VXN: variants seen among roughly 807,000 people sequenced by gnomAD.
VXN encodes the protein uncharacterized protein C8orf46.
Under a neutral mutation model 23.1 loss-of-function variants are expected in VXN, and 7 were observed. That is an observed-to-expected ratio of 0.30 (90% CI 0.17 to 0.57). The LOEUF (loss-of-function observed/expected upper bound fraction) is 0.57, where lower values mean the gene tolerates loss of function less well. VXN is among the 20% of genes least tolerant of loss of function. The pLI, the probability that VXN is intolerant of heterozygous loss-of-function variation, is 0.91. For missense variants in VXN, 238 were observed against 272.6 expected (o/e 0.87, Z 0.89); for synonymous variants, 120 against 105.8 (o/e 1.13, Z -0.83).
chr8:66,495,369 G>T (rs537480133), intron 1 of VXN, among the ~76,000 whole-genome samples: 1 of 152,380 alleles, frequency 6.6e-6, no homozygotes, highest in East Asian at 1.9e-4. Flanking sequence ...CTTCTGCACT[G>T]TGTGACCTTG....
chr8:66,512,132 G>T (rs1046715655), intron 4 of VXN, among the ~76,000 whole-genome samples: 1 of 151,942 alleles, frequency 6.6e-6, no homozygotes, highest in Non-Finnish European at 1.5e-5. Flanking sequence ...CTCAGGCCTG[G>T]AGATAGTGGG....
At chr8:66,496,596 G>A in intron 2 of VXN, 104 bp downstream of exon 2, 1 of 1,055,566 alleles carries the variant, frequency 9.5e-7, no homozygotes, top group Non-Finnish European at 1.5e-6. Flanking sequence ...GGCCAGGAGG[G>A]TTTCAGTGTT....
chr8:66,517,565 T>G lies in VXN; in HGVS notation c.*1489T>G. ...ATTGATGGGTAGAGGCTGCCCGAAG[T>G]ACTGTGTAAAGATGGAATCTGAGAT... On this transcript the variant is annotated 3_prime_UTR_variant, in exon 6 of 6. Transcript: ENST00000305454. The G allele has an allele frequency of 6.6e-6, 1 of 152,202 alleles. No homozygotes were observed. The highest frequency in any genetic ancestry group is 1.9e-4 in the East Asian group (1 of 5,202). The allele number at this position is 152,202 out of a possible 1,614,324, so 9.4% of individuals were successfully genotyped here.
At chr8:66,495,464 T>C (rs1008204151) in intron 1 of VXN, among the ~76,000 whole-genome samples, 2 of 152,214 alleles carry the variant, frequency 1.3e-5, no homozygotes, top group Admixed American at 1.3e-4. Flanking sequence ...ATATGGGGAA[T>C]AAATGAGTAA....
chr8:66,500,351 T>G (rs1414729634), intron 2 of VXN, among the ~76,000 whole-genome samples: 1 of 152,226 alleles, frequency 6.6e-6, no homozygotes, highest in Non-Finnish European at 1.5e-5. Context: ...GCCTATACTG[T>G]GTGGCATCAA....
At chr8:66,494,057 T>C (rs1807597753) in intron 1 of VXN, among the ~76,000 whole-genome samples, 1 of 152,180 alleles carries the variant, frequency 6.6e-6, no homozygotes, top group African/African-American at 2.4e-5. Context: ...ATAGAGACTT[T>C]CATTTTTTCC....
intron 3 of VXN, 101 bp from the exon 4 acceptor site, chr8:66,509,995 C>A: frequency 8.8e-7 from 1 of 1,139,444 alleles, no homozygotes; most frequent in Non-Finnish European, 1.3e-6. Context: ...TTAGAAATTC[C>A]CTGGCGTGGT....
chr8:66,496,893 A>ATTT lies in VXN; in HGVS notation c.126+409_126+411dup, dbSNP rs58845134. ...AATGAATGTATTTATATAAAATACT[A>ATTT]TTTTTTTTTTGAGATGGAGTCTCTC... On this transcript the variant is annotated intron_variant, in intron 2 of 5. Transcript: ENST00000305454. 1.9e-4 allele frequency among the ~76,000 whole-genome samples: 28 copies of ATTT among 150,322 alleles called. 1 individual carries two copies. The highest frequency in any genetic ancestry group is 8.4e-4 in the South Asian group (4 of 4,748).
chr8:66,505,681 G>GT (rs1208931530), intron 3 of VXN, among the ~76,000 whole-genome samples, 153 bp downstream of exon 3: 2 of 152,234 alleles, frequency 1.3e-5, no homozygotes, highest in Non-Finnish European at 2.9e-5. Context: ...AGTAAATGCT[G>GT]TTTCCACCAC....
At chr8:66,512,065 C>CAAAAAA (rs35689084) in intron 4 of VXN, among the ~76,000 whole-genome samples, 50 of 68,330 alleles carry the variant, frequency 7.3e-4, no homozygotes, top group African/African-American at 2.6e-3. Flanking sequence ...AACTCAGTTT[C>CAAAAAA]AAAAAAAAAA....
chr8:66,502,147 C>T (rs2130546425), intron 2 of VXN, among the ~76,000 whole-genome samples: 1 of 152,338 alleles, frequency 6.6e-6, no homozygotes, highest in Admixed American at 6.5e-5. Flanking sequence ...CAAAGCCTCA[C>T]ACTGTTCCTT....
At position 66,516,638 on chromosome 8, in the gene VXN, C is replaced by G. The variant is rs889265469; in HGVS notation, c.*562C>G. The stretch of plus-strand genomic sequence containing the variant: ...CATTTGGCATGATTGCATGAATTCT[C>G]TATTCTTTTATGTGCAGTTTTTCTA... On this transcript the variant is annotated 3_prime_UTR_variant, in exon 6 of 6. Transcript: ENST00000305454. 2 of 152,176 alleles carry G rather than the reference C, an allele frequency of 1.3e-5. No homozygotes were observed. Among genetic ancestry groups the G allele is most frequent in the African/African-American group, 4.8e-5 (2 of 41,450 alleles). The allele number at this position is 152,176 out of a possible 1,614,324, so 9.4% of individuals were successfully genotyped here. A position where few individuals can be genotyped will look rare whatever the true frequency, so the allele number is the denominator to read the frequency against.
rs1205375286 is a variant in VXN, at chr8:66,505,400, C to G, written c.152C>G (p.Thr51Arg). 1.3e-5 allele frequency: 21 copies of G among 1,579,830 alleles called. No individual in the cohort carries two copies. The highest frequency in any genetic ancestry group is 1.8e-5 in the Non-Finnish European group (21 of 1,163,800). ...KNVVIESDLY[T>R]HQPLELLPHR... is the part of the protein sequence containing the mutation. ...GTGGTGATCGAGTCGGACCTGTACA[C>G]GCACCAGCCCCTGGAGCTGCTGCCC... The change falls in exon 3 of 6, where the codon ACG becomes AGG. Residue 51 changes from threonine (T) to arginine (R), a missense_variant. By Grantham distance (71) the Thr-to-Arg change is moderately conservative (BLOSUM62 -1). Around this residue, in one of 2 missense-constraint regions of VXN, gnomAD observed 223 missense variants for 236.9 expected, o/e 0.94. Coordinates refer to ENST00000305454, the MANE Select transcript of VXN (RefSeq NM_152765.4).
chr8:66,510,112 C>G lies in VXN; in HGVS notation c.297C>G (p.Pro99=). 6.2e-7 allele frequency: 1 copy of G among 1,613,840 alleles called. No individual in the cohort carries two copies. The highest frequency in any genetic ancestry group is 8.5e-7 in the Non-Finnish European group (1 of 1,179,904). The change falls in exon 4 of 6, where the codon CCC becomes CCG. Residue 99 remains proline, a synonymous_variant. Transcript: ENST00000305454. The part of the protein sequence containing the change: ...ASARPVGISE[P]KTSNLCGNRA... ...ACATTGCAGTGGGGATTTCTGAACC[C>G]AAAACATCAAATCTGTGTGGGAATC...
chr8:66,494,614 G>T (rs1807605575), intron 1 of VXN: 1 of 152,250 alleles, frequency 6.6e-6, no homozygotes, highest in Admixed American at 6.5e-5. Context: ...GGCAGGGAGA[G>T]ATTCCGTTTG....
In VXN at chr8:66,505,521, C is replaced by G. The variant is rs745397182; in HGVS notation, c.273C>G (p.Ala91=). The change falls in exon 3 of 6, where the codon GCC becomes GCG. Residue 91 remains alanine (A), a synonymous_variant. Transcript: ENST00000305454. ...CAGCCCACCCGGCCAAAGCCTCTGC[C>G]AGACCCGGTACGTGAGTCCCGGCCC... ...PPTAHPAKAS[A]RPVGISEPKT... is the part of the protein sequence containing the mutation. The G allele has an allele frequency of 9.2e-6, 14 of 1,521,992 alleles. No homozygotes were observed. The South Asian group carries it at 1.2e-4, about 13-fold the overall frequency. The allele number at this position is 1,521,992 out of a possible 1,614,324, so 94.3% of individuals were successfully genotyped here.
In VXN at chr8:66,496,510, T is replaced by G; in HGVS notation, c.126+18T>G. On this transcript the variant is annotated intron_variant, in intron 2 of 5. Coordinates refer to ENST00000305454, the MANE Select transcript of VXN (RefSeq NM_152765.4). ...CCAAGAATGTAAGGAAACTTTAGTT[T>G]TGATGTTCTTTGGTTGACTTTCATT... The G allele has an allele frequency of 6.2e-7, 1 of 1,612,066 alleles. No homozygotes were observed.
intron 4 of VXN, 101 bp from the exon 5 acceptor site, chr8:66,513,439 T>C (rs1424170677): frequency 2.1e-6 from 2 of 949,540 alleles, no homozygotes; most frequent in African/African-American, 1.6e-5. Flanking sequence ...GCCCAGGCGG[T>C]GGTGGTTCCA....
At chr8:66,512,435 G>A (rs568939795) in intron 4 of VXN, among the ~76,000 whole-genome samples, 3 of 152,308 alleles carry the variant, frequency 2.0e-5, no homozygotes, top group Non-Finnish European at 2.9e-5. Flanking sequence ...GCCCTTGACC[G>A]GGAATTTCCA....
Sources: allele counts gnomAD v4.1 joint callset (sites outside exome capture counted in the v4.1 genomes callset), GRCh38; gene constraint gnomAD v4.1.1; regional missense constraint gnomAD v4.1.1; transcripts MANE v1.5; gene names NCBI Gene and HGNC (gene_info 2026-07-23, HGNC 2026-07-21).